The following GPAT3 variants were observed in gnomAD, a reference collection of about 807,000 sequenced individuals.
GPAT3 encodes the protein glycerol-3-phosphate acyltransferase 3, also known as 1-AGP acyltransferase 9.
A neutral mutation model predicts 58.8 loss-of-function variants in GPAT3; 53 were observed. The ratio of observed to expected loss-of-function variants is 0.90; its 90% CI spans 0.72 to 1.13. GPAT3 has a LOEUF of 1.13. Among genes scored for constraint, GPAT3 ranks in the 50% most tolerant of loss-of-function variants. GPAT3 has a pLI of 0.00. For missense variants in GPAT3, 511 were observed against 527.6 expected (o/e 0.97, Z 0.31); for synonymous variants, 197 against 187.4 (o/e 1.05, Z -0.42).
At chr4:83,570,334 T>A (rs1438031601) in intron 2 of GPAT3, among the ~76,000 whole-genome samples, 2 of 152,194 alleles carry the variant, frequency 1.3e-5, no homozygotes, top group South Asian at 4.1e-4. Context: ...GGGTTTTATA[T>A]ACAGCCTGGC....
chr4:83,561,342 A>G (rs1578172157), intron 2 of GPAT3, among the ~76,000 whole-genome samples: 4 of 152,366 alleles, frequency 2.6e-5, no homozygotes, highest in Admixed American at 2.6e-4. Context: ...TATGTAAAAT[A>G]CTTAAAATCT....
At position 83,583,728 on chromosome 4, in the gene GPAT3, C is replaced by T. The variant is rs558832779; in HGVS notation, c.479+1896C>T. ...CTGGGCCGGGCATAGTGACTCTTGC[C>T]TGTAATCCCAGCCCTTTGGGAGGCC... On this transcript the variant is annotated intron_variant, in intron 3 of 11. Coordinates refer to ENST00000264409, the MANE Select transcript of GPAT3 (RefSeq NM_032717.5). 2.1e-5 allele frequency among the ~76,000 whole-genome samples: 3 copies of T among 146,114 alleles called. No individual in the cohort carries two copies. The East Asian group carries it at 6.0e-4, about 29-fold the overall frequency.
chr4:83,537,055 A>G (rs1724125994), intron 1 of GPAT3, among the ~76,000 whole-genome samples: 2 of 152,192 alleles, frequency 1.3e-5, no homozygotes, highest in South Asian at 4.1e-4. Context: ...GATTAGAATA[A>G]CAACAATGCG....
At position 83,568,551 on chromosome 4, in the gene GPAT3, A is replaced by G. The variant is rs185278972; in HGVS notation, c.209-13011A>G. On this transcript the variant is annotated intron_variant, in intron 2 of 11. Coordinates refer to ENST00000264409, the MANE Select transcript of GPAT3 (RefSeq NM_032717.5). ...GAGACGGAGTCTCGCTCTGTTGCCC[A>G]GGCTGGAGTGCTGTGGCGCGATCTA... Among the ~76,000 whole-genome samples, 97 of 149,516 alleles carry G rather than the reference A, an allele frequency of 6.5e-4. No individual in the cohort carries two copies. The South Asian group carries it at 0.011, about 18-fold the overall frequency.
intron 6 of GPAT3, among the ~76,000 whole-genome samples, chr4:83,593,782 C>T (rs972468610): frequency 1.3e-5 from 2 of 152,122 alleles, no homozygotes; most frequent in Non-Finnish European, 1.5e-5. Flanking sequence ...GATGTTTCCC[C>T]CTTCCTTCAA....
intron 1 of GPAT3, among the ~76,000 whole-genome samples, chr4:83,537,535 TTAAG>T (rs1421144188): frequency 6.6e-6 from 1 of 151,910 alleles, no homozygotes; most frequent in African/African-American, 2.4e-5. Flanking sequence ...TTTCTTTGAA[TTAAG>T]TGTTAGAAGC....
At chr4:83,575,211 T>C (rs1490205822) in intron 2 of GPAT3, among the ~76,000 whole-genome samples, 1 of 152,048 alleles carries the variant, frequency 6.6e-6, no homozygotes, top group African/African-American at 2.4e-5. Flanking sequence ...AAGTATTTCC[T>C]CTCTTCCTTT....
At chr4:83,557,991 T>A (rs1725000108) in intron 2 of GPAT3, among the ~76,000 whole-genome samples, 1 of 152,156 alleles carries the variant, frequency 6.6e-6, no homozygotes, top group South Asian at 2.1e-4. Context: ...GGCAGGTGAA[T>A]CACCTGAGGT....
chr4:83,578,916 T>TTCTTTCTTTC lies in GPAT3; in HGVS notation c.209-2645_209-2644insCTTTCTTTCT, dbSNP rs1337245315. ...CTCCCTCTTTCTTTTCTTTTTTCTT[T>TTCTTTCTTTC]TTTCTTTTCTTTCTTTCTTTCTTTT... On this transcript the variant is annotated intron_variant, in intron 2 of 11. Coordinates refer to ENST00000264409, the MANE Select transcript of GPAT3 (RefSeq NM_032717.5). 1.2e-4 allele frequency among the ~76,000 whole-genome samples: 9 copies of TTCTTTCTTTC among 74,412 alleles called. No individual in the cohort carries two copies. In the South Asian group the frequency reaches 2.6e-3, roughly 21 times the overall value. 48.8% of individuals were successfully genotyped at this position (74,412 alleles called of 152,430 possible). A position where few individuals can be genotyped will look rare whatever the true frequency, so the allele number is the denominator to read the frequency against.
chr4:83,536,008 C>G, upstream of GPAT3: 1 of 985,440 alleles, frequency 1.0e-6, no homozygotes, highest in Non-Finnish European at 1.2e-6. Context: ...CTGCGGCACT[C>G]CTGGGCTAAG....
Position 83,598,156 on chromosome 4 carries a change from T to A in GPAT3, c.1102T>A (p.Tyr368Asn). The A allele has an allele frequency of 6.2e-7, 1 of 1,613,394 alleles. No homozygotes were observed. The highest frequency in any genetic ancestry group is 8.5e-7 in the Non-Finnish European group (1 of 1,179,748). Residue 368 changes from tyrosine to asparagine, a missense_variant, in exon 10 of 12, where the codon TAC (tyrosine) becomes AAC (asparagine). Physicochemically the swap from Tyr to Asn is moderately radical, Grantham distance 143. Transcript: ENST00000264409. The stretch of plus-strand genomic sequence containing the variant: ...CTGGGCCATCGTCTGTGACGTGTGG[T>A]ACATGCCCCCCATGACCAGAGAGGT... ...TSWAIVCDVW[Y>N]MPPMTREEGE...
chr4:83,578,468 C>T (rs925568947), intron 2 of GPAT3, among the ~76,000 whole-genome samples: 1 of 152,100 alleles, frequency 6.6e-6, no homozygotes, highest in Non-Finnish European at 1.5e-5. Context: ...GCGTTGTTTG[C>T]AGATCTCTTC....
At chr4:83,571,090 G>T (rs201818731) in intron 2 of GPAT3, among the ~76,000 whole-genome samples, 1 of 152,002 alleles carries the variant, frequency 6.6e-6, no homozygotes, top group African/African-American at 2.4e-5. Context: ...GTCTGTTTTT[G>T]TTCCCACTCT....
chr4:83,580,969 G>A (rs1295906073), intron 2 of GPAT3, among the ~76,000 whole-genome samples: 1 of 151,774 alleles, frequency 6.6e-6, no homozygotes, highest in East Asian at 1.9e-4. Context: ...GGTGGCGGGT[G>A]CCTGTAGTCC....
chr4:83,539,832 C>A (rs149399530), intron 1 of GPAT3, among the ~76,000 whole-genome samples: 2 of 152,072 alleles, frequency 1.3e-5, no homozygotes, highest in African/African-American at 2.4e-5. Context: ...GCTTTATAGT[C>A]GAGAAAATTG....
Position 83,536,324 on chromosome 4 carries a change from C to G in GPAT3, c.-299C>G. The G allele has an allele frequency of 8.9e-7, 1 of 1,123,624 alleles. No homozygotes were observed. The highest frequency in any genetic ancestry group is 1.1e-6 in the Non-Finnish European group (1 of 918,198). 69.6% of individuals were successfully genotyped at this position (1,123,624 alleles called of 1,614,324 possible). A position where few individuals can be genotyped will look rare whatever the true frequency, so the allele number is the denominator to read the frequency against. ...GCGCCGCGGTGTGCCTCCGCTTACC[C>G]GCAGCTCCGACCACTGGCTCGCGCT... On this transcript the variant is annotated 5_prime_UTR_variant, in exon 1 of 12. Transcript: ENST00000264409.
chr4:83,590,332 T>C, intron 6 of GPAT3, 40 bp downstream of exon 6: 2 of 1,579,900 alleles, frequency 1.3e-6, no homozygotes, highest in Non-Finnish European at 1.7e-6. Flanking sequence ...GTTGCATGTT[T>C]TATGGATTGA....
At chr4:83,585,653 G>A (rs1187437910) in intron 3 of GPAT3, among the ~76,000 whole-genome samples, 2 of 151,574 alleles carry the variant, frequency 1.3e-5, no homozygotes, top group East Asian at 3.9e-4. Flanking sequence ...TTGTTGCCCA[G>A]GCTGAAGTGT....
chr4:83,573,765 C>CT (rs1725687207), intron 2 of GPAT3, among the ~76,000 whole-genome samples: 1 of 152,156 alleles, frequency 6.6e-6, no homozygotes, highest in African/African-American at 2.4e-5. Context: ...AACAGGTAAA[C>CT]TCCTCCCTGC....
Sources: allele counts gnomAD v4.1 joint callset (sites outside exome capture counted in the v4.1 genomes callset), GRCh38; gene constraint gnomAD v4.1.1; transcripts MANE v1.5; gene names NCBI Gene and HGNC (gene_info 2026-07-23, HGNC 2026-07-21).